THOC1: variants seen among roughly 807,000 people sequenced by gnomAD.
THOC1 encodes the protein THO complex 1.
A neutral mutation model predicts 97.3 loss-of-function variants in THOC1; 29 were observed. The observed-to-expected ratio is 0.30, with a 90% CI of 0.22 to 0.41. THOC1 has a LOEUF of 0.41. THOC1 is among the 10% of genes least tolerant of loss of function. The probability of loss-of-function intolerance (pLI) is 1.00; values close to 1 mark genes in which losing one functional copy is unlikely to be tolerated. For missense variants in THOC1, 529 were observed against 761.9 expected, an observed-to-expected ratio of 0.69 and a Z score of 3.60; for synonymous variants, 255 against 257.0, an observed-to-expected ratio of 0.99 and a Z score of 0.07.
chr18:234,463 C>T (rs745383748), intron 11 of THOC1, among the ~76,000 whole-genome samples: 5 of 152,078 alleles, frequency 3.3e-5, no homozygotes, highest in Admixed American at 6.6e-5. Context: ...TTCCTTTCTA[C>T]TTTTTGTATT....
intron 6 of THOC1, among the ~76,000 whole-genome samples, 199 bp from the exon 7 acceptor site, chr18:259,474 A>G (rs936667826): frequency 6.6e-6 from 1 of 152,138 alleles, no homozygotes; most frequent in South Asian, 2.1e-4. Flanking sequence ...GAAAAAGACA[A>G]ACTTTACTAC....
chr18:252,638 C>T (rs1912316916), intron 8 of THOC1, 26 bp from the exon 9 acceptor site: 5 of 1,573,678 alleles, frequency 3.2e-6, no homozygotes, highest in Non-Finnish European at 4.4e-6. Flanking sequence ...AATGTATAGC[C>T]TGTCATGAAG....
rs746326608 is a variant in THOC1, at chr18:259,238, G to T, written c.462C>A (p.Val154=). The T allele has an allele frequency of 3.1e-6, 5 of 1,612,232 alleles. No homozygotes were observed. The highest frequency in any genetic ancestry group is 2.2e-5 in the East Asian group (1 of 44,822). The change falls in exon 7 of 21, where the codon GTC becomes GTA. Residue 154 remains valine (V), a synonymous_variant. Transcript: ENST00000261600. Reference sequence around the variant, plus strand: ...AAAAGAGCTGAATCCGTCCACAGAAGACTGTATTCTGGGATTTAGACAATC... The same window carrying T: ...AAAAGAGCTGAATCCGTCCACAGAATACTGTATTCTGGGATTTAGACAATC... ...LRRLSKSQNT[V]FCGRIQLFLA...
chr18:234,701 A>G (rs1238757464), intron 11 of THOC1, among the ~76,000 whole-genome samples: 1 of 152,238 alleles, frequency 6.6e-6, no homozygotes, highest in Admixed American at 6.5e-5. Context: ...TTAATCTGGC[A>G]TTATATTCAT....
intron 5 of THOC1, 29 bp downstream of exon 5, chr18:260,157 T>C: frequency 7.2e-7 from 1 of 1,385,208 alleles, no homozygotes; most frequent in Non-Finnish European, 9.7e-7. Context: ...AAAGATAAAG[T>C]TAGCAGGAAA....
intron 8 of THOC1, 106 bp from the exon 9 acceptor site, chr18:252,718 T>TA (rs1912319092): frequency 2.5e-5 from 21 of 849,336 alleles, no homozygotes; most frequent in Non-Finnish European, 4.0e-5. Context: ...AACCCACAGT[T>TA]AGAGAAGTCT....
Position 224,975 on chromosome 18 carries a change from T to A in THOC1, c.1157A>T (p.Glu386Val). 6.4e-7 allele frequency: 1 copy of A among 1,573,930 alleles called. No individual in the cohort carries two copies. The highest frequency in any genetic ancestry group is 8.6e-7 in the Non-Finnish European group (1 of 1,157,454). Residue 386 changes from glutamate to valine, a missense_variant, in exon 15 of 21, where the codon GAA (glutamate) becomes GTA (valine). This residue lies in a region of THOC1 where 123 missense variants were observed against 159.0 expected (regional missense o/e 0.77). Coordinates refer to ENST00000261600, the MANE Select transcript of THOC1 (RefSeq NM_005131.3). ...KMVEHILNTEENWNSWKNEGC... is the reference protein window; with the variant it reads ...KMVEHILNTEVNWNSWKNEGC... ...TTCATTTTTCCACGAGTTCCAGTTT[T>A]CTTCAGTGTTTAATATATGCTGGGA...
chr18:227,446 T>TA, intron 11 of THOC1, among the ~76,000 whole-genome samples: 2 of 152,090 alleles, frequency 1.3e-5, no homozygotes, highest in Admixed American at 1.3e-4. Flanking sequence ...CCCTATAAAG[T>TA]GCCTGCAACA....
chr18:251,261 C>T (rs1168573535), intron 9 of THOC1, among the ~76,000 whole-genome samples: 2 of 152,206 alleles, frequency 1.3e-5, no homozygotes, highest in Non-Finnish European at 2.9e-5. Context: ...TGGAGCCACA[C>T]TACCTCTAAT....
chr18:267,825 C>T (rs1215463698), intron 1 of THOC1, 141 bp downstream of exon 1: 4 of 886,776 alleles, frequency 4.5e-6, no homozygotes, highest in Non-Finnish European at 6.6e-6. Context: ...ACCCCTCAAC[C>T]TCCGACGGGG....
chr18:221,703 G>C (rs1209937878), intron 17 of THOC1, among the ~76,000 whole-genome samples: 1 of 147,914 alleles, frequency 6.8e-6, no homozygotes, highest in Non-Finnish European at 1.5e-5. Context: ...CCGCCTCCCA[G>C]GTTCACGCCA....
At chr18:265,159 A>G (rs1236154725) in intron 3 of THOC1, 144 bp downstream of exon 3, 1 of 651,276 alleles carries the variant, frequency 1.5e-6, no homozygotes, top group Non-Finnish European at 2.6e-6. Flanking sequence ...GAAATCGTAT[A>G]GTCATCAAGT....
intron 11 of THOC1, among the ~76,000 whole-genome samples, chr18:239,545 A>C (rs1469490908): frequency 6.6e-6 from 1 of 152,140 alleles, no homozygotes; most frequent in Non-Finnish European, 1.5e-5. Flanking sequence ...ACCTCAAGTG[A>C]TCTGTCTGCC....
intron 11 of THOC1, among the ~76,000 whole-genome samples, chr18:234,881 T>C (rs925658076): frequency 3.3e-5 from 5 of 152,208 alleles, no homozygotes; most frequent in African/African-American, 4.8e-5. Context: ...TCTGTCCTTA[T>C]TGGGATTTTA....
intron 4 of THOC1, 100 bp downstream of exon 4, chr18:263,922 TAAAC>T: frequency 8.0e-6 from 7 of 870,474 alleles, no homozygotes; most frequent in Non-Finnish European, 1.1e-5. Flanking sequence ...ACTTGAAGAA[TAAAC>T]AAAATCAGAT....
Position 260,582 on chromosome 18 carries a change from A to G in THOC1, c.257-278T>C, listed in dbSNP as rs900797983. The G allele has an allele frequency of 2.1e-4, 45 of 209,636 alleles. 1 individual carries two copies. Among genetic ancestry groups the G allele is most frequent in the African/African-American group, 9.8e-4 (43 of 43,662 alleles). The allele number at this position is 209,636 out of a possible 1,614,324, so 13.0% of individuals were successfully genotyped here. A position where few individuals can be genotyped will look rare whatever the true frequency, so the allele number is the denominator to read the frequency against. On this transcript the variant is annotated intron_variant, in intron 4 of 20. Coordinates refer to ENST00000261600, the MANE Select transcript of THOC1 (RefSeq NM_005131.3). ...CTAAGTACTTTACATATACTAACAC[A>G]TTTAATCCTTACAATCCTATGAGGT...
chr18:257,033 G>A (rs1209715090), intron 7 of THOC1, among the ~76,000 whole-genome samples: 1 of 152,148 alleles, frequency 6.6e-6, no homozygotes, highest in Non-Finnish European at 1.5e-5. Context: ...TAGAAGTACG[G>A]TATGTACATT....
At position 214,895 on chromosome 18, in the gene THOC1, C is replaced by T; in HGVS notation, c.1705G>A (p.Val569Ile). The T allele has an allele frequency of 6.2e-7, 1 of 1,613,948 alleles. No individual in the cohort carries two copies. Among genetic ancestry groups the T allele is most frequent in the Non-Finnish European group, 8.5e-7 (1 of 1,179,854 alleles). ...AATACCTCTATTTGTTCTCCTGTTA[C>T]AGGTTTGTCTCGCCGAACATCAGGA... Reference protein sequence around the residue: ...ESPDVRRDKPVTGEQIEVFAN... With the variant: ...ESPDVRRDKPITGEQIEVFAN... Residue 569 changes from valine to isoleucine, a missense_variant, in exon 21 of 21, where the codon GTA becomes ATA. Coordinates refer to ENST00000261600, the MANE Select transcript of THOC1 (RefSeq NM_005131.3).
chr18:256,726 A>G (rs914530128), intron 7 of THOC1, among the ~76,000 whole-genome samples: 3 of 152,128 alleles, frequency 2.0e-5, no homozygotes, highest in Non-Finnish European at 4.4e-5. Context: ...AACTTAGTTG[A>G]TAAAGTAGCG....
Sources: allele counts gnomAD v4.1 joint callset (sites outside exome capture counted in the v4.1 genomes callset), GRCh38; gene constraint gnomAD v4.1.1; regional missense constraint gnomAD v4.1.1; transcripts MANE v1.5; gene names NCBI Gene and HGNC (gene_info 2026-07-23, HGNC 2026-07-21).